PHACTR3: variants seen among roughly 807,000 people sequenced by gnomAD.
The protein encoded by PHACTR3 is phosphatase and actin regulator 3.
A neutral mutation model predicts 66.8 loss-of-function variants in PHACTR3; 16 were observed. The ratio of observed to expected loss-of-function variants is 0.24; its 90% confidence interval spans 0.16 to 0.36. The LOEUF (loss-of-function observed/expected upper bound fraction) is 0.36, where lower values mean the gene tolerates loss of function less well. PHACTR3 is among the 10% of genes least tolerant of loss of function. The probability of loss-of-function intolerance (pLI) is 1.00; values close to 1 mark genes in which losing one functional copy is unlikely to be tolerated. For missense variants in PHACTR3, 647 were observed against 719.9 expected (o/e 0.90, Z 1.16); for synonymous variants, 323 against 292.1 (o/e 1.11, Z -1.08).
intron 4 of PHACTR3, 51 bp downstream of exon 4, chr20:59,755,415 G>A (rs567483215): frequency 1.5e-4 from 244 of 1,575,488 alleles, no homozygotes; most frequent in Non-Finnish European, 2.0e-4. Flanking sequence ...ATGGCCATAC[G>A]TCCCCACTGT....
intron 8 of PHACTR3, among the ~76,000 whole-genome samples, chr20:59,819,650 C>T (rs576233442): frequency 7.9e-5 from 12 of 152,250 alleles, no homozygotes; most frequent in East Asian, 1.9e-4. Flanking sequence ...CTGGTTGGGC[C>T]GGTGCTGTCC....
intron 3 of PHACTR3, among the ~76,000 whole-genome samples, chr20:59,752,338 T>G (rs1793436805): frequency 6.6e-6 from 1 of 152,204 alleles, no homozygotes; most frequent in Admixed American, 6.5e-5. Context: ...GCTGCTCAGG[T>G]GCACTGCCCC....
At chr20:59,661,139 C>A (rs1003716384) in intron 1 of PHACTR3, among the ~76,000 whole-genome samples, 4 of 152,176 alleles carry the variant, frequency 2.6e-5, no homozygotes, top group Admixed American at 2.6e-4. Flanking sequence ...GGATTCGATT[C>A]TAGGGGCATG....
At position 59,784,498 on chromosome 20, in the gene PHACTR3, G is replaced by A. The variant is rs140608247; in HGVS notation, c.1174+10008G>A. ...TGGAGAACCAAAGCTTTAAAATGAG[G>A]AGTCCTGGTCATCAAGGTAAAGGCT... On this transcript the variant is annotated intron_variant, in intron 7 of 12. Coordinates refer to ENST00000371015, the MANE Select transcript of PHACTR3 (RefSeq NM_080672.5). Among the ~76,000 whole-genome samples the A allele has an allele frequency of 5.8e-3, 890 of 152,252 alleles. 3 individuals are homozygous for A. Among genetic ancestry groups the A allele is most frequent in the Non-Finnish European group, 8.7e-3 (589 of 68,026 alleles).
chr20:59,686,743 A>ATGGTGGTGATGGTGG (rs1175095125), intron 1 of PHACTR3, among the ~76,000 whole-genome samples: 3 of 81,290 alleles, frequency 3.7e-5, no homozygotes, highest in Non-Finnish European at 4.9e-5. Context: ...GGTGGTGATG[A>ATGGTGGTGATGGTGG]TGGTGATGAT....
intron 1 of PHACTR3, among the ~76,000 whole-genome samples, chr20:59,580,248 C>T (rs1412277895): frequency 1.3e-5 from 2 of 152,058 alleles, no homozygotes; most frequent in East Asian, 3.9e-4. Flanking sequence ...GTCCCGGCAC[C>T]CAAGGAAGAA....
At chr20:59,732,725 A>G (rs1381722394) in intron 1 of PHACTR3, among the ~76,000 whole-genome samples, 1 of 152,124 alleles carries the variant, frequency 6.6e-6, no homozygotes, top group Non-Finnish European at 1.5e-5. Context: ...GTTAAAAACC[A>G]TTGCCCTGCA....
At chr20:59,672,439 C>T (rs1342050832) in intron 1 of PHACTR3, among the ~76,000 whole-genome samples, 4 of 152,132 alleles carry the variant, frequency 2.6e-5, no homozygotes, top group Non-Finnish European at 4.4e-5. Context: ...ACTCAGTGGT[C>T]GGGGTTGCAG....
intron 1 of PHACTR3, among the ~76,000 whole-genome samples, chr20:59,654,833 T>TTG (rs1374188728): frequency 6.6e-6 from 1 of 151,864 alleles, no homozygotes. Context: ...CAGTTGGCAT[T>TTG]TGTGTGTGTG....
chr20:59,760,722 A>G (rs796425307), intron 4 of PHACTR3, among the ~76,000 whole-genome samples: 9 of 152,294 alleles, frequency 5.9e-5, no homozygotes, highest in African/African-American at 1.9e-4. Flanking sequence ...GTGCCACACC[A>G]GCAACAGAGC....
At chr20:59,581,876 G>A (rs1430636370) in intron 1 of PHACTR3, among the ~76,000 whole-genome samples, 5 of 86,226 alleles carry the variant, frequency 5.8e-5, no homozygotes, top group Admixed American at 2.3e-4. Context: ...GCGAGACTCC[G>A]TCTCAAAAAA....
intron 1 of PHACTR3, among the ~76,000 whole-genome samples, chr20:59,634,270 T>G (rs2034772271): frequency 6.6e-6 from 1 of 152,238 alleles, no homozygotes; most frequent in Non-Finnish European, 1.5e-5. Flanking sequence ...CAGGCGGAGC[T>G]GGGTGTGAAT....
At chr20:59,730,824 T>G (rs1436394795) in intron 1 of PHACTR3, among the ~76,000 whole-genome samples, 2 of 152,194 alleles carry the variant, frequency 1.3e-5, no homozygotes, top group Non-Finnish European at 2.9e-5. Context: ...CTGTGGCTGC[T>G]TCACACTACA....
intron 1 of PHACTR3, among the ~76,000 whole-genome samples, chr20:59,620,065 C>G (rs2034178539): frequency 6.6e-6 from 1 of 152,230 alleles, no homozygotes; most frequent in Non-Finnish European, 1.5e-5. Context: ...TTCTCACACT[C>G]ACCCTAAACC....
At chr20:59,676,594 G>A (rs2036456674) in intron 1 of PHACTR3, 3 of 586,148 alleles carry the variant, frequency 5.1e-6, no homozygotes, top group African/African-American at 4.1e-5. Flanking sequence ...GGTTTTCTCA[G>A]GGAGCGGAGC....
chr20:59,733,196 G>A (rs926962911), intron 1 of PHACTR3, among the ~76,000 whole-genome samples: 8 of 151,512 alleles, frequency 5.3e-5, no homozygotes, highest in African/African-American at 1.2e-4. Flanking sequence ...GTCCTTGGAT[G>A]GTATGACCCT....
chr20:59,629,217 G>T (rs142080072), intron 1 of PHACTR3, among the ~76,000 whole-genome samples: 2 of 152,190 alleles, frequency 1.3e-5, no homozygotes, highest in Admixed American at 1.3e-4. Context: ...TTTTCTCTAC[G>T]TTGTGCCCCC....
At chr20:59,694,003 C>A (rs1002936150) in intron 1 of PHACTR3, among the ~76,000 whole-genome samples, 5 of 152,226 alleles carry the variant, frequency 3.3e-5, no homozygotes, top group Non-Finnish European at 5.9e-5. Flanking sequence ...ACAGAGTTCA[C>A]TGCAGAGGGG....
chr20:59,593,240 T>C (rs370829731), intron 1 of PHACTR3, among the ~76,000 whole-genome samples: 57 of 152,344 alleles, frequency 3.7e-4, no homozygotes, highest in African/African-American at 1.3e-3. Context: ...TCAGTTTGCA[T>C]TTCTCTAATG....
Sources: gnomAD v4.1 joint callset for allele counts (sites outside exome capture counted in the v4.1 genomes callset) on GRCh38, gnomAD v4.1.1 for gene constraint, MANE v1.5 for transcripts, NCBI Gene and HGNC (gene_info 2026-07-23, HGNC 2026-07-21) for gene names.